Variants in ENOX1 observed in about 807,000 individuals in gnomAD.
The protein encoded by ENOX1 is candidate growth-related and time keeping constitutive hydroquinone (NADH) oxidase.
A neutral mutation model predicts 82.5 loss-of-function variants in ENOX1; 42 were observed. That is an observed-to-expected ratio of 0.51 (90% CI 0.40 to 0.66). The LOEUF is 0.66. Among genes scored for constraint, ENOX1 ranks in the 30% least tolerant of loss-of-function variants. The pLI, the probability that ENOX1 is intolerant of heterozygous loss-of-function variation, is 0.00. For synonymous variants in ENOX1, 271 were observed against 282.2 expected, an observed-to-expected ratio of 0.96 and a Z score of 0.40; for missense variants, 608 against 811.6, an observed-to-expected ratio of 0.75 and a Z score of 3.05.
intron 2 of ENOX1, among the ~76,000 whole-genome samples, chr13:43,644,229 A>G (rs1005022945): frequency 6.6e-6 from 1 of 152,106 alleles, no homozygotes; most frequent in Non-Finnish European, 1.5e-5. Context: ...CATACTTTCA[A>G]CCCTGATTAG....
chr13:43,770,078 TG>T (rs1951500564), intron 1 of ENOX1, among the ~76,000 whole-genome samples: 1 of 152,236 alleles, frequency 6.6e-6, no homozygotes. Flanking sequence ...AATTTTAGAA[TG>T]AAAAATTGGA....
At chr13:43,718,587 G>T (rs1235655348) in intron 1 of ENOX1, among the ~76,000 whole-genome samples, 2 of 148,612 alleles carry the variant, frequency 1.3e-5, no homozygotes, top group African/African-American at 2.5e-5. Context: ...TGAGGCAGGA[G>T]AATGTTGTGA....
At chr13:43,456,217 T>A (rs2057221057) in intron 3 of ENOX1, among the ~76,000 whole-genome samples, 1 of 152,112 alleles carries the variant, frequency 6.6e-6, no homozygotes, top group Non-Finnish European at 1.5e-5. Flanking sequence ...ATATCTTCTC[T>A]GAGCTCCTTT....
chr13:43,709,166 T>C (rs1199292619), intron 1 of ENOX1, among the ~76,000 whole-genome samples: 2 of 151,998 alleles, frequency 1.3e-5, no homozygotes, highest in African/African-American at 4.8e-5. Context: ...AAAAGGCGAA[T>C]TAGTATAAGA....
chr13:43,231,666 A>G (rs560184513), intron 15 of ENOX1, among the ~76,000 whole-genome samples: 1 of 152,320 alleles, frequency 6.6e-6, no homozygotes, highest in East Asian at 1.9e-4. Flanking sequence ...GGACTAGCTC[A>G]GCTGTCCTTT....
intron 11 of ENOX1, among the ~76,000 whole-genome samples, chr13:43,322,142 T>C (rs1290984534): frequency 6.6e-6 from 1 of 152,140 alleles, no homozygotes; most frequent in Non-Finnish European, 1.5e-5. Context: ...AACAGGCAAA[T>C]ATCCCTGAAA....
chr13:43,262,833 C>G (rs1378457652), intron 14 of ENOX1, among the ~76,000 whole-genome samples: 3 of 152,154 alleles, frequency 2.0e-5, no homozygotes, highest in African/African-American at 4.8e-5. Context: ...AGTATGTACT[C>G]TAGGCTTGGT....
intron 3 of ENOX1, among the ~76,000 whole-genome samples, chr13:43,432,475 C>T (rs1241705835): frequency 6.6e-6 from 1 of 151,832 alleles, no homozygotes; most frequent in Non-Finnish European, 1.5e-5. Context: ...CCCATCTCTA[C>T]TAAAAATAGA....
Position 43,265,359 on chromosome 13 carries a change from T to C in ENOX1, c.1611+39A>G, listed in dbSNP as rs747390218. On this transcript the variant is annotated intron_variant, in intron 14 of 16. Transcript: ENST00000690772. ...TACATCCCCATGTGTTCAACCAACG[T>C]CAAGCAAGAAGAACAAATACCAGGT... 3 of 1,586,430 alleles carry C rather than the reference T, an allele frequency of 1.9e-6. No individual in the cohort carries two copies. In the African/African-American group the frequency reaches 4.0e-5, roughly 21 times the overall value.
chr13:43,639,191 A>G (rs1566686098), intron 2 of ENOX1, among the ~76,000 whole-genome samples: 1 of 152,112 alleles, frequency 6.6e-6, no homozygotes. Flanking sequence ...AATCCCAGCT[A>G]CTCAGGAGGC....
At chr13:43,567,127 C>T (rs2079955620) in intron 2 of ENOX1, among the ~76,000 whole-genome samples, 1 of 152,114 alleles carries the variant, frequency 6.6e-6, no homozygotes, top group Non-Finnish European at 1.5e-5. Context: ...TTTTTTAACT[C>T]ACCATAACAG....
chr13:43,749,540 A>G (rs1434129538), intron 1 of ENOX1, among the ~76,000 whole-genome samples: 3 of 152,254 alleles, frequency 2.0e-5, no homozygotes, highest in Non-Finnish European at 4.4e-5. Flanking sequence ...CAGCAAGGAC[A>G]ACATCAGCAT....
intron 14 of ENOX1, among the ~76,000 whole-genome samples, chr13:43,263,134 T>C (rs1397375667): frequency 6.6e-6 from 1 of 152,174 alleles, no homozygotes; most frequent in Admixed American, 6.5e-5. Context: ...GTGGAGGTAC[T>C]GGGGAAACTT....
chr13:43,750,569 A>G (rs977560587), intron 1 of ENOX1, among the ~76,000 whole-genome samples: 2 of 152,186 alleles, frequency 1.3e-5, no homozygotes, highest in African/African-American at 4.8e-5. Flanking sequence ...GTGATTCTGC[A>G]GTGTAGCACC....
At position 43,262,203 on chromosome 13, in the gene ENOX1, A is replaced by AT. The variant is rs570927496; in HGVS notation, c.1611+3194dup. ...TATCTCTGAGTAATGAGATACCAAG[A>AT]TTTTTTTTCCTTACCCCTATATTCT... On this transcript the variant is annotated intron_variant, in intron 14 of 16. Transcript: ENST00000690772. 1.8e-3 allele frequency among the ~76,000 whole-genome samples: 274 copies of AT among 152,096 alleles called. 1 individual carries two copies. The highest frequency in any genetic ancestry group is 6.2e-3 in the African/African-American group (258 of 41,500).
chr13:43,714,163 C>T (rs1269245172), intron 1 of ENOX1, among the ~76,000 whole-genome samples: 4 of 151,760 alleles, frequency 2.6e-5, no homozygotes, highest in Non-Finnish European at 5.9e-5. Context: ...GCCTTCATTT[C>T]GTTATATACC....
intron 1 of ENOX1, among the ~76,000 whole-genome samples, chr13:43,688,523 G>C (rs970695095): frequency 6.6e-6 from 1 of 152,178 alleles, no homozygotes; most frequent in African/African-American, 2.4e-5. Context: ...CAACTCTGCT[G>C]TTTAGTGAGA....
chr13:43,395,052 T>G (rs1296966856), intron 5 of ENOX1, among the ~76,000 whole-genome samples: 5 of 152,164 alleles, frequency 3.3e-5, no homozygotes, highest in African/African-American at 9.7e-5. Context: ...AGCATGGGAA[T>G]AGCGTGACAC....
At chr13:43,622,073 TC>T (rs893776017) in intron 2 of ENOX1, among the ~76,000 whole-genome samples, 25 of 152,196 alleles carry the variant, frequency 1.6e-4, no homozygotes, top group African/African-American at 6.0e-4. Flanking sequence ...CAAAAATGTG[TC>T]CAAAGCTTCC....
Sources: allele counts gnomAD v4.1 joint callset (sites outside exome capture counted in the v4.1 genomes callset), GRCh38; gene constraint gnomAD v4.1.1; transcripts MANE v1.5; gene names NCBI Gene and HGNC (gene_info 2026-07-23, HGNC 2026-07-21).